The following KAT6B variants were observed in gnomAD, a reference collection of about 807,000 sequenced individuals.
KAT6B encodes the protein lysine acetyltransferase 6B.
In KAT6B, 10 loss-of-function variants were observed where a neutral mutation model predicts 187.5. The ratio of observed to expected loss-of-function variants is 0.05; its 90% CI spans 0.03 to 0.09. The LOEUF (loss-of-function observed/expected upper bound fraction) is 0.09. Ranked by LOEUF, KAT6B falls within the 10% of genes least tolerant of loss-of-function variation. The probability of loss-of-function intolerance (pLI) is 1.00; values close to 1 mark genes in which losing one functional copy is unlikely to be tolerated. For synonymous variants in KAT6B, 861 were observed against 926.8 expected, an observed-to-expected ratio of 0.93 and a Z score of 1.29; for missense variants, 1,952 against 2,558.9, an observed-to-expected ratio of 0.76 and a Z score of 5.12.
chr10:75,022,204 A>T lies in KAT6B; in HGVS notation c.3345A>T (p.Lys1115Asn). Residue 1115 changes from lysine (K) to asparagine (N), a missense_variant, in exon 16 of 18, where the codon AAA becomes AAT. Physicochemically the swap from Lys to Asn is moderately conservative, Grantham distance 94. This residue lies in a region of KAT6B where 758 missense variants were observed against 891.4 expected (regional missense o/e 0.85). Coordinates refer to ENST00000287239, the MANE Select transcript of KAT6B (RefSeq NM_012330.4). ...AAAGCTCTCCCCCAAGATTGACGAA[A>T]CCACAGTCAGTTGCCATAAAGAGAA... ...NIQSSPPRLT[K>N]PQSVAIKRKR... The T allele has an allele frequency of 6.2e-7, 1 of 1,613,276 alleles. No homozygotes were observed. Among genetic ancestry groups the T allele is most frequent in the Non-Finnish European group, 8.5e-7 (1 of 1,180,028 alleles).
intron 3 of KAT6B, among the ~76,000 whole-genome samples, chr10:74,846,936 TTG>T (rs1842149239): frequency 6.6e-6 from 1 of 152,234 alleles, no homozygotes; most frequent in South Asian, 2.1e-4. Flanking sequence ...TTCAATAATT[TTG>T]TGATCCAGGG....
intron 13 of KAT6B, among the ~76,000 whole-genome samples, chr10:74,992,755 G>GTA (rs1843195343): frequency 6.6e-6 from 1 of 152,204 alleles, no homozygotes; most frequent in South Asian, 2.1e-4. Flanking sequence ...TAAGTCATTT[G>GTA]TATATCACTT....
chr10:74,932,656 A>G (rs900816723), intron 3 of KAT6B, among the ~76,000 whole-genome samples: 1 of 152,242 alleles, frequency 6.6e-6, no homozygotes, highest in Non-Finnish European at 1.5e-5. Flanking sequence ...GGGGCCAAGC[A>G]TGGTATCATC....
At chr10:74,863,168 AGT>A (rs1220370453) in intron 3 of KAT6B, among the ~76,000 whole-genome samples, 2 of 152,220 alleles carry the variant, frequency 1.3e-5, no homozygotes, top group Non-Finnish European at 2.9e-5. Context: ...TACTGTTGAA[AGT>A]GTGTATTTTC....
chr10:74,839,768 G>A (rs1841593734), intron 2 of KAT6B, among the ~76,000 whole-genome samples: 1 of 152,172 alleles, frequency 6.6e-6, no homozygotes, highest in Non-Finnish European at 1.5e-5. Context: ...ACTTGGGAAA[G>A]ATCAATTTCC....
At chr10:74,848,638 C>T (rs1397607879) in intron 3 of KAT6B, among the ~76,000 whole-genome samples, 2 of 151,750 alleles carry the variant, frequency 1.3e-5, no homozygotes, top group African/African-American at 4.8e-5. Flanking sequence ...CCAGTGTGGC[C>T]CAGGGAAGCC....
At position 74,894,285 on chromosome 10, in the gene KAT6B, T is replaced by C. The variant is rs1845840725; in HGVS notation, c.621+50807T>C. ...TTAGTAGAGACGGGGTTTCACCATG[T>C]TCACCAGGCTGGTCTCGAACTCCTG... On this transcript the variant is annotated intron_variant, in intron 3 of 17. Transcript: ENST00000287239. Among the ~76,000 whole-genome samples, 3 of 152,300 alleles carry C rather than the reference T, an allele frequency of 2.0e-5. No individual in the cohort carries two copies. In the South Asian group the frequency reaches 6.2e-4, roughly 32 times the overall value.
At chr10:75,006,555 TCCTCCCA>T (rs1844216167) in intron 13 of KAT6B, among the ~76,000 whole-genome samples, 1 of 152,090 alleles carries the variant, frequency 6.6e-6, no homozygotes, top group Non-Finnish European at 1.5e-5. Flanking sequence ...ACTCAAGAGA[TCCTCCCA>T]CCTCAGCCTC....
At chr10:74,954,898 A>G (rs1277826306) in intron 3 of KAT6B, among the ~76,000 whole-genome samples, 1 of 152,140 alleles carries the variant, frequency 6.6e-6, no homozygotes, top group Non-Finnish European at 1.5e-5. Flanking sequence ...ATAGATTAAC[A>G]TATTCCTCTG....
intron 3 of KAT6B, among the ~76,000 whole-genome samples, chr10:74,855,208 A>G (rs1842739483): frequency 1.3e-5 from 2 of 152,192 alleles, no homozygotes; most frequent in South Asian, 4.1e-4. Context: ...TATGGAGAGC[A>G]GTGAGGCCTG....
chr10:74,970,192 T>G lies in KAT6B; in HGVS notation c.928+91T>G, dbSNP rs1254797117. ...GACAGCTCAGAGGTATACAGGTTCT[T>G]TAAGCATTTTTTTCATCCCTCCCAC... On this transcript the variant is annotated intron_variant, in intron 6 of 17. Transcript: ENST00000287239. 4 of 950,872 alleles carry G rather than the reference T, an allele frequency of 4.2e-6. No individual in the cohort carries two copies. In the African/African-American group the frequency reaches 6.5e-5, roughly 15 times the overall value. The allele number at this position is 950,872 out of a possible 1,614,324, so 58.9% of individuals were successfully genotyped here.
chr10:74,836,745 G>A (rs1330199354), intron 1 of KAT6B, among the ~76,000 whole-genome samples: 2 of 152,142 alleles, frequency 1.3e-5, no homozygotes, highest in African/African-American at 4.8e-5. Context: ...AATAAGTCAA[G>A]GTCCCTTCCC....
chr10:75,008,064 C>G (rs1462995748), intron 13 of KAT6B, among the ~76,000 whole-genome samples: 1 of 152,194 alleles, frequency 6.6e-6, no homozygotes, highest in African/African-American at 2.4e-5. Flanking sequence ...GTAAATTTCA[C>G]TTTCACTCTT....
intron 3 of KAT6B, among the ~76,000 whole-genome samples, chr10:74,874,820 GTGTGTGTGTGTA>G (rs1186975748): frequency 1.3e-5 from 2 of 151,960 alleles, no homozygotes; most frequent in South Asian, 2.1e-4. Context: ...TGTGGGGTGT[GTGTGTGTGTGTA>G]TGTGTGTGTG....
At chr10:74,910,502 C>T (rs1847125773) in intron 3 of KAT6B, among the ~76,000 whole-genome samples, 1 of 152,188 alleles carries the variant, frequency 6.6e-6, no homozygotes, top group Admixed American at 6.5e-5. Flanking sequence ...GATAACTTCA[C>T]TGTGGGCACC....
rs1476756020 is a variant in KAT6B at position 75,021,240 on chromosome 10, T to A, written c.2976T>A (p.Ile992=). 8.1e-6 allele frequency: 13 copies of A among 1,614,076 alleles called. No individual in the cohort carries two copies. Among genetic ancestry groups the A allele is most frequent in the Non-Finnish European group, 1.1e-5 (13 of 1,180,028 alleles). The change falls in exon 15 of 18, where the codon ATT becomes ATA. Residue 992 remains isoleucine (I), a synonymous_variant. Coordinates refer to ENST00000287239, the MANE Select transcript of KAT6B (RefSeq NM_012330.4). ...PDSLRWTPIL[I]SNAAVSEEER... ...GTCTGAGGTGGACCCCAATTTTAAT[T>A]TCTAATGCTGCAGTGTCTGAAGAAG... is the stretch of plus-strand genomic sequence containing the variant.
chr10:74,974,172 G>A (rs532171427), intron 7 of KAT6B, among the ~76,000 whole-genome samples: 12 of 152,074 alleles, frequency 7.9e-5, no homozygotes, highest in South Asian at 4.2e-4. Context: ...GATCTCTAGC[G>A]TTCACCTGAC....
intron 13 of KAT6B, among the ~76,000 whole-genome samples, chr10:74,997,248 C>G (rs1037472407): frequency 6.8e-6 from 1 of 146,988 alleles, no homozygotes; most frequent in African/African-American, 2.5e-5. Flanking sequence ...CCATTCCCCT[C>G]CTTCTCTCGT....
chr10:74,943,467 A>G (rs1849843919), intron 3 of KAT6B, among the ~76,000 whole-genome samples: 1 of 152,214 alleles, frequency 6.6e-6, no homozygotes, highest in South Asian at 2.1e-4. Context: ...GACGTTGATG[A>G]ACAAATTTGT....
Sources: allele counts gnomAD v4.1 joint callset (sites outside exome capture counted in the v4.1 genomes callset), GRCh38; gene constraint gnomAD v4.1.1; regional missense constraint gnomAD v4.1.1; transcripts MANE v1.5; gene names NCBI Gene and HGNC (gene_info 2026-07-23, HGNC 2026-07-21).